Variants in PARP4 observed in about 807,000 individuals in gnomAD.
The protein encoded by PARP4 is poly(ADP-ribose) polymerase family member 4, also known as protein mono-ADP-ribosyltransferase PARP4.
A neutral mutation model predicts 187.7 loss-of-function variants in PARP4; 120 were observed. The ratio of observed to expected loss-of-function variants is 0.64; its 90% CI spans 0.55 to 0.74. The LOEUF is 0.74. PARP4 is among the 30% of genes least tolerant of loss of function. PARP4 has a pLI of 0.00. For missense variants in PARP4, 1,836 were observed against 2,070.5 expected (o/e 0.89, Z 2.20); for synonymous variants, 654 against 740.9 (o/e 0.88, Z 1.90).
Position 24,443,862 on chromosome 13 carries a change from A to T in PARP4, c.3367-132T>A, listed in dbSNP as rs562524988. The T allele has an allele frequency of 1.5e-4, 96 of 659,396 alleles. 1 individual carries two copies. In the South Asian group the frequency reaches 1.6e-3, roughly 11 times the overall value. 40.8% of individuals were successfully genotyped at this position (659,396 alleles called of 1,614,324 possible). A position where few individuals can be genotyped will look rare whatever the true frequency, so the allele number is the denominator to read the frequency against. ...GCACTCCTCTTAAATACACAGTTTG[A>T]TGAGTCTTAAGGGATGTATACAGTT... On this transcript the variant is annotated intron_variant, in intron 27 of 33. Transcript: ENST00000381989.
intron 17 of PARP4, among the ~76,000 whole-genome samples, chr13:24,467,415 G>A (rs1344375485): frequency 6.6e-6 from 1 of 152,194 alleles, no homozygotes; most frequent in Non-Finnish European, 1.5e-5. Context: ...GAAAAGCTTA[G>A]ATGGAGGGAT....
At chr13:24,456,305 A>G in intron 21 of PARP4, 36 bp downstream of exon 21, 1 of 1,506,338 alleles carries the variant, frequency 6.6e-7, no homozygotes, top group Non-Finnish European at 9.0e-7. Flanking sequence ...CATTTTTTCA[A>G]TAGTGTCTCC....
intron 5 of PARP4, among the ~76,000 whole-genome samples, chr13:24,498,736 A>ATT (rs1213208926): frequency 6.9e-6 from 1 of 143,924 alleles, no homozygotes; most frequent in Non-Finnish European, 1.5e-5. Flanking sequence ...ACTAGTGTTG[A>ATT]TTTTCATTTG....
At chr13:24,436,250 T>C (rs950140511) in intron 30 of PARP4, among the ~76,000 whole-genome samples, 4 of 152,232 alleles carry the variant, frequency 2.6e-5, no homozygotes, top group African/African-American at 9.6e-5. Context: ...TTTACAGCAA[T>C]ATTAAGAAAA....
chr13:24,505,147 C>T (rs1195518984), intron 1 of PARP4, among the ~76,000 whole-genome samples: 1 of 151,944 alleles, frequency 6.6e-6, no homozygotes, highest in Non-Finnish European at 1.5e-5. Context: ...AAGACACACA[C>T]ACACACACAG....
At chr13:24,457,473 C>G (rs560369117) in intron 20 of PARP4, among the ~76,000 whole-genome samples, 50 of 152,252 alleles carry the variant, frequency 3.3e-4, no homozygotes, top group African/African-American at 1.1e-3. Flanking sequence ...TCTCTTGTTG[C>G]TACTGAGGAC....
chr13:24,488,256 G>A (rs1378524720), intron 10 of PARP4, among the ~76,000 whole-genome samples: 2 of 106,802 alleles, frequency 1.9e-5, no homozygotes, highest in African/African-American at 6.4e-5. Flanking sequence ...CCATGTCACC[G>A]GACTCTTAGT....
At chr13:24,454,874 C>T in intron 22 of PARP4, 143 bp downstream of exon 22, 1 of 602,206 alleles carries the variant, frequency 1.7e-6, no homozygotes, top group African/African-American at 1.8e-5. Context: ...GGGGGTCCAG[C>T]TCCAGAGCTC....
chr13:24,458,930 T>C (rs1024788594), intron 20 of PARP4, 114 bp downstream of exon 20: 1 of 742,726 alleles, frequency 1.3e-6, no homozygotes, highest in Admixed American at 2.4e-5. Flanking sequence ...GTAGTGCTTC[T>C]TGTTAGAAGT....
chr13:24,475,944 C>T (rs943927081), intron 14 of PARP4, among the ~76,000 whole-genome samples: 1 of 151,980 alleles, frequency 6.6e-6, no homozygotes, highest in African/African-American at 2.4e-5. Flanking sequence ...ACCACAATGC[C>T]CAGCTAATTT....
At chr13:24,463,071 CA>C (rs1181834400) in intron 17 of PARP4, among the ~76,000 whole-genome samples, 1 of 152,062 alleles carries the variant, frequency 6.6e-6, no homozygotes, top group African/African-American at 2.4e-5. Flanking sequence ...TAAAAAATAA[CA>C]TAAACACATC....
Position 24,455,506 on chromosome 13 carries a change from T to TCACA in PARP4, c.2563-298_2563-295dup, listed in dbSNP as rs1555234627. ...ATATATATATATATATATATATATA[T>TCACA]CACACTATTCTAAGAGGAATATACA... On this transcript the variant is annotated intron_variant, in intron 21 of 33. Transcript: ENST00000381989. Among the ~76,000 whole-genome samples the TCACA allele has an allele frequency of 2.4e-3, 330 of 134,700 alleles. 1 individual carries two copies. Among genetic ancestry groups the TCACA allele is most frequent in the Non-Finnish European group, 3.4e-3 (212 of 62,354 alleles). 88.4% of individuals were successfully genotyped at this position (134,700 alleles called of 152,430 possible). A position where few individuals can be genotyped will look rare whatever the true frequency, so the allele number is the denominator to read the frequency against.
rs778723248 is a variant in PARP4 at position 24,431,462 on chromosome 13, T to C, written c.4761A>G (p.Lys1587=). Reference sequence around the variant, plus strand: ...ATATAAGTCCCAGTTCTGGTGTAAGTTTCCAGAAGCCATCCTACAAAATTA... The same window carrying C: ...ATATAAGTCCCAGTTCTGGTGTAAGCTTCCAGAAGCCATCCTACAAAATTA... ...LSLQTEDGFW[K]LTPELGLILN... is the part of the protein sequence containing the mutation. Residue 1587 remains lysine, a synonymous_variant, in exon 32 of 34, where the codon AAA becomes AAG. Coordinates refer to ENST00000381989, the MANE Select transcript of PARP4 (RefSeq NM_006437.4). The C allele has an allele frequency of 1.0e-5, 16 of 1,584,418 alleles. No homozygotes were observed. The highest frequency in any genetic ancestry group is 1.4e-5 in the Non-Finnish European group (16 of 1,166,640).
At chr13:24,499,268 T>TC in intron 5 of PARP4, 33 bp downstream of exon 5, 1 of 1,446,466 alleles carries the variant, frequency 6.9e-7, no homozygotes, top group Non-Finnish European at 9.0e-7. Context: ...TGTGTTTTTT[T>TC]TTTTTTTTGC....
chr13:24,482,164 G>A (rs1468767493), intron 12 of PARP4, among the ~76,000 whole-genome samples: 1 of 152,194 alleles, frequency 6.6e-6, no homozygotes, highest in Admixed American at 6.5e-5. Flanking sequence ...GCCTGAAGAT[G>A]GGACTGAATT....
At chr13:24,507,979 C>T (rs769099698) in intron 1 of PARP4, among the ~76,000 whole-genome samples, 7 of 152,248 alleles carry the variant, frequency 4.6e-5, no homozygotes, top group Admixed American at 6.5e-5. Context: ...TTTTGAGGTC[C>T]GGTTAAACTG....
intron 22 of PARP4, 80 bp downstream of exon 22, chr13:24,454,937 T>G (rs1593608683): frequency 5.4e-5 from 64 of 1,181,290 alleles, no homozygotes; most frequent in East Asian, 4.8e-4. Flanking sequence ...CAGGGTCGGG[T>G]ACCCACAGTT....
At position 24,456,377 on chromosome 13, in the gene PARP4, T is replaced by G; in HGVS notation, c.2526A>C (p.Arg842Ser). The G allele has an allele frequency of 1.9e-6, 3 of 1,611,704 alleles. No homozygotes were observed. Among genetic ancestry groups the G allele is most frequent in the Non-Finnish European group, 2.5e-6 (3 of 1,178,434 alleles). The change falls in exon 21 of 34, where the codon AGA becomes AGC. Residue 842 changes from arginine to serine, a missense_variant. By Grantham distance (110) the Arg-to-Ser change is moderately radical (BLOSUM62 -1). Around this residue, in one of 8 missense-constraint regions of PARP4, gnomAD observed 1,147 missense variants for 1,214.2 expected, o/e 0.94. Transcript: ENST00000381989. ...HIGLSAAYLP[R>S]MWVEKHPEKE... is the part of the protein sequence containing the mutation. ...TTTCTGGATGTTTTTCAACCCACAT[T>G]CTTGGGAGATAGGCAGCAGACAAAC...
At chr13:24,454,799 G>A (rs1593608551) in intron 22 of PARP4, among the ~76,000 whole-genome samples, 1 of 152,314 alleles carries the variant, frequency 6.6e-6, no homozygotes, top group African/African-American at 2.4e-5. Flanking sequence ...GGCACCAGAA[G>A]TTCAAGTAGT....
Sources: allele counts gnomAD v4.1 joint callset (sites outside exome capture counted in the v4.1 genomes callset), GRCh38; gene constraint gnomAD v4.1.1; regional missense constraint gnomAD v4.1.1; transcripts MANE v1.5; gene names NCBI Gene and HGNC (gene_info 2026-07-23, HGNC 2026-07-21).